The following GM2A variants were observed in gnomAD, a reference collection of about 807,000 sequenced individuals.
GM2A encodes the protein ganglioside GM2 activator.
A neutral mutation model predicts 12.9 loss-of-function variants in GM2A; 7 were observed. The observed-to-expected ratio is 0.54, with a 90% CI of 0.31 to 1.02. The LOEUF is 1.02. GM2A is among the 50% of genes least tolerant of loss of function. GM2A has a pLI of 0.05. For synonymous variants in GM2A, 101 were observed against 96.0 expected (o/e 1.05, Z -0.30); for missense variants, 246 against 241.0 (o/e 1.02, Z -0.14).
chr5:151,259,372 C>T (rs1753750056), intron 1 of GM2A, among the ~76,000 whole-genome samples: 1 of 152,156 alleles, frequency 6.6e-6, no homozygotes, highest in Admixed American at 6.5e-5. Context: ...CCTCCAGGAG[C>T]TTGCCCTCTG....
chr5:151,267,890 C>G lies in GM2A; in HGVS notation c.*439C>G, dbSNP rs980892944. ...TTTGTTCTCCTCCGGCCCCCTGTTA[C>G]AATGAAGGGGCAAAAGTATTTGCTC... On this transcript the variant is annotated 3_prime_UTR_variant, in exon 4 of 4. Coordinates refer to ENST00000357164, the MANE Select transcript of GM2A (RefSeq NM_000405.5). The G allele has an allele frequency of 3.5e-6, 4 of 1,146,534 alleles. No homozygotes were observed. The African/African-American group carries it at 4.9e-5, about 14-fold the overall frequency. 71.0% of individuals were successfully genotyped at this position (1,146,534 alleles called of 1,614,324 possible). A position where few individuals can be genotyped will look rare whatever the true frequency, so the allele number is the denominator to read the frequency against.
Position 151,269,378 on chromosome 5 carries a change from C to G in GM2A, c.*1927C>G, listed in dbSNP as rs1413471325. ...GAGCCGAGGTGATTCCAGGGACGGA[C>G]CCTTCTGCAGGAGCTTGAGCTTGCT... is the stretch of plus-strand genomic sequence containing the variant. On this transcript the variant is annotated 3_prime_UTR_variant, in exon 4 of 4. Coordinates refer to ENST00000357164, the MANE Select transcript of GM2A (RefSeq NM_000405.5). The G allele has an allele frequency of 6.1e-6, 6 of 985,246 alleles. No homozygotes were observed. The East Asian group carries it at 5.7e-4, about 93-fold the overall frequency. The allele number at this position is 985,246 out of a possible 1,614,324, so 61.0% of individuals were successfully genotyped here. A position where few individuals can be genotyped will look rare whatever the true frequency, so the allele number is the denominator to read the frequency against.
rs1753943719 is a variant in GM2A, at chr5:151,268,591, G to A, written c.*1140G>A. 2 of 958,832 alleles carry A rather than the reference G, an allele frequency of 2.1e-6. No homozygotes were observed. The highest frequency in any genetic ancestry group is 2.5e-6 in the Non-Finnish European group (2 of 805,860). The allele number at this position is 958,832 out of a possible 1,614,324, so 59.4% of individuals were successfully genotyped here. ...ATATAATTAAGGGTGGCAAGGACTG[G>A]AGTCAGTTGGAGAGTGCATAGCCAG... is the stretch of plus-strand genomic sequence containing the variant. On this transcript the variant is annotated 3_prime_UTR_variant, in exon 4 of 4. Transcript: ENST00000357164.
chr5:151,263,405 A>G (rs1269488235), intron 2 of GM2A, among the ~76,000 whole-genome samples: 1 of 151,526 alleles, frequency 6.6e-6, no homozygotes, highest in Admixed American at 6.6e-5. Flanking sequence ...ATATTTATTT[A>G]TTTATTTGGT....
intron 1 of GM2A, among the ~76,000 whole-genome samples, chr5:151,254,020 A>G (rs1361028240): frequency 6.6e-6 from 1 of 152,208 alleles, no homozygotes; most frequent in Non-Finnish European, 1.5e-5. Flanking sequence ...GCAAATGACA[A>G]GATGTTCCCC....
chr5:151,264,972 A>G (rs888342689), intron 2 of GM2A, among the ~76,000 whole-genome samples: 2 of 150,520 alleles, frequency 1.3e-5, no homozygotes, highest in African/African-American at 2.4e-5. Context: ...ACAGAGTGAG[A>G]CTCTGTCTCA....
intron 1 of GM2A, 40 bp downstream of exon 1, chr5:151,253,337 TGGCCCAG>T: frequency 6.9e-7 from 1 of 1,458,330 alleles, no homozygotes; most frequent in Admixed American, 1.7e-5. Flanking sequence ...TGCAGCCTCC[TGGCCCAG>T]CTACGGGTGT....
rs1026306619 is a variant in GM2A, at chr5:151,259,684, C to T, written c.82-71C>T. The stretch of plus-strand genomic sequence containing the variant: ...TCACTCTGCCAGGAGCTCATTTTTC[C>T]TGTGATCTGTGATAGTTTCTTTTGT... On this transcript the variant is annotated intron_variant, in intron 1 of 3. Coordinates refer to ENST00000357164, the MANE Select transcript of GM2A (RefSeq NM_000405.5). 5 of 1,468,224 alleles carry T rather than the reference C, an allele frequency of 3.4e-6. No individual in the cohort carries two copies. The Admixed American group carries it at 8.9e-5, about 26-fold the overall frequency. 90.9% of individuals were successfully genotyped at this position (1,468,224 alleles called of 1,614,324 possible).
Position 151,270,184 on chromosome 5 carries a change from A to C in GM2A, c.*2733A>C. ...GACTTTAATAAATGGTGCTGAGCCAACTGGAAAGCCCCTTGGAGAAAGTTG... is the reference window on the plus strand; with the variant it reads ...GACTTTAATAAATGGTGCTGAGCCACCTGGAAAGCCCCTTGGAGAAAGTTG... On this transcript the variant is annotated 3_prime_UTR_variant, in exon 4 of 4. Transcript: ENST00000357164. 1 of 1,071,838 alleles carries C rather than the reference A, an allele frequency of 9.3e-7. No individual in the cohort carries two copies. Among genetic ancestry groups the C allele is most frequent in the Non-Finnish European group, 1.2e-6 (1 of 841,840 alleles). The allele number at this position is 1,071,838 out of a possible 1,614,324, so 66.4% of individuals were successfully genotyped here. A position where few individuals can be genotyped will look rare whatever the true frequency, so the allele number is the denominator to read the frequency against.
rs972982311 is a variant in GM2A, at chr5:151,269,693, C to T, written c.*2242C>T. ...TCCCCGAAAAAAACCTTAGAAGTAA[C>T]TAAAATTTCTGTACATCTCCGGAAT... On this transcript the variant is annotated 3_prime_UTR_variant, in exon 4 of 4. Coordinates refer to ENST00000357164, the MANE Select transcript of GM2A (RefSeq NM_000405.5). 8.0e-5 allele frequency: 13 copies of T among 163,140 alleles called. No homozygotes were observed. The highest frequency in any genetic ancestry group is 1.2e-4 in the Non-Finnish European group (9 of 77,988). The allele number at this position is 163,140 out of a possible 1,614,324, so 10.1% of individuals were successfully genotyped here.
chr5:151,256,098 T>G (rs577761958), intron 1 of GM2A, among the ~76,000 whole-genome samples: 138 of 152,240 alleles, frequency 9.1e-4, no homozygotes, highest in African/African-American at 3.0e-3. Context: ...CAGTTCCTCT[T>G]CTAGCATAAC....
In GM2A at chr5:151,270,268, C is replaced by A; in HGVS notation, c.*2817C>A. On this transcript the variant is annotated 3_prime_UTR_variant, in exon 4 of 4. Transcript: ENST00000357164. ...ATGAACTCCATCTGGATCCAGGATC[C>A]AAATGTAAGAAAATGAAGCCATATA... 1 of 438,918 alleles carries A rather than the reference C, an allele frequency of 2.3e-6. No individual in the cohort carries two copies. The highest frequency in any genetic ancestry group is 3.8e-6 in the Non-Finnish European group (1 of 263,196). 27.2% of individuals were successfully genotyped at this position (438,918 alleles called of 1,614,324 possible). A position where few individuals can be genotyped will look rare whatever the true frequency, so the allele number is the denominator to read the frequency against.
At chr5:151,263,265 T>TA in intron 2 of GM2A, among the ~76,000 whole-genome samples, 1 of 151,952 alleles carries the variant, frequency 6.6e-6, no homozygotes, top group Admixed American at 6.6e-5. Context: ...AGATGGGGTT[T>TA]TGTCACATTG....
Position 151,267,755 on chromosome 5 carries a change from G to A in GM2A, c.*304G>A. ...CCTCGTTCATTTCCAAAGCAGTTAAGGAATGGGAACCAGAGTGTTTTAGGA... is the reference window on the plus strand; with the variant it reads ...CCTCGTTCATTTCCAAAGCAGTTAAAGAATGGGAACCAGAGTGTTTTAGGA... On this transcript the variant is annotated 3_prime_UTR_variant, in exon 4 of 4. Coordinates refer to ENST00000357164, the MANE Select transcript of GM2A (RefSeq NM_000405.5). 7.9e-7 allele frequency: 1 copy of A among 1,264,282 alleles called. No individual in the cohort carries two copies. Among genetic ancestry groups the A allele is most frequent in the Non-Finnish European group, 1.0e-6 (1 of 987,984 alleles). The allele number at this position is 1,264,282 out of a possible 1,614,324, so 78.3% of individuals were successfully genotyped here.
chr5:151,253,685 G>T (rs1753633664), intron 1 of GM2A, among the ~76,000 whole-genome samples: 1 of 151,354 alleles, frequency 6.6e-6, no homozygotes, highest in African/African-American at 2.4e-5. Flanking sequence ...CTCTTCCCCT[G>T]CTCGAATGCC....
intron 1 of GM2A, among the ~76,000 whole-genome samples, chr5:151,254,328 G>A (rs987709743): frequency 1.3e-5 from 2 of 152,090 alleles, no homozygotes; most frequent in African/African-American, 4.8e-5. Context: ...ATTTATATGC[G>A]GATTCTAACC....
intron 2 of GM2A, among the ~76,000 whole-genome samples, chr5:151,262,220 T>G (rs1052191801): frequency 6.6e-6 from 1 of 152,228 alleles, no homozygotes; most frequent in Non-Finnish European, 1.5e-5. Context: ...ATATGGTCCT[T>G]TCCTCTCTAG....
At chr5:151,259,204 C>T (rs1454692403) in intron 1 of GM2A, among the ~76,000 whole-genome samples, 1 of 152,154 alleles carries the variant, frequency 6.6e-6, no homozygotes, top group East Asian at 1.9e-4. Flanking sequence ...TCATGAGTGT[C>T]CTATTCCTTT....
rs1352805333 is a variant in GM2A, at chr5:151,259,889, C to G, written c.216C>G (p.Thr72=). 6.2e-7 allele frequency: 1 copy of G among 1,613,582 alleles called. No homozygotes were observed. The highest frequency in any genetic ancestry group is 8.5e-7 in the Non-Finnish European group (1 of 1,179,678). Residue 72 remains threonine (T), a synonymous_variant, in exon 2 of 4, where the codon ACC becomes ACG. Transcript: ENST00000357164. ...GNVTLSVMGS[T]SVPLSSPLKV... ...TGACCCTCAGTGTCATGGGCAGCAC[C>G]AGTGTCCCCCTGAGTTCTCCTCTGA...
Sources: gnomAD v4.1 joint callset for allele counts (sites outside exome capture counted in the v4.1 genomes callset) on GRCh38, gnomAD v4.1.1 for gene constraint, MANE v1.5 for transcripts, NCBI Gene and HGNC (gene_info 2026-07-23, HGNC 2026-07-21) for gene names.